Variants in THADA observed in about 807,000 individuals in gnomAD.
THADA encodes tRNA (32-2'-O)-methyltransferase regulator THADA.
THADA carries 213 observed loss-of-function variants against 219.8 expected under a neutral mutation model. The observed-to-expected ratio is 0.97, with a 90% CI of 0.87 to 1.09. THADA has a LOEUF of 1.09. Ranked by LOEUF, THADA falls within the 50% of genes least tolerant of loss-of-function variation. The pLI is 0.00. For missense variants in THADA, 2,956 were observed against 2,311.3 expected (o/e 1.28, Z -5.72); for synonymous variants, 1,018 against 828.9 (o/e 1.23, Z -3.92).
At chr2:43,417,648 G>A (rs888861909) in intron 28 of THADA, among the ~76,000 whole-genome samples, 1 of 152,160 alleles carries the variant, frequency 6.6e-6, no homozygotes, top group African/African-American at 2.4e-5. Flanking sequence ...GTTAATTTTG[G>A]CATGCTGAGA....
chr2:43,270,893 T>C (rs998310981), intron 36 of THADA, among the ~76,000 whole-genome samples: 1 of 151,814 alleles, frequency 6.6e-6, no homozygotes, highest in Non-Finnish European at 1.5e-5. Context: ...ATGGAGGAAA[T>C]AATAAAGTAT....
At chr2:43,427,177 G>C (rs7588221) in intron 28 of THADA, among the ~76,000 whole-genome samples, 57,973 of 151,948 alleles carry the variant, frequency 0.38, 11,749 homozygotes, top group African/African-American at 0.48. Flanking sequence ...CATTGCACCG[G>C]CTCGCAGACT....
chr2:43,341,536 C>T (rs748904166), intron 30 of THADA, among the ~76,000 whole-genome samples: 7 of 152,260 alleles, frequency 4.6e-5, no homozygotes, highest in South Asian at 2.1e-4. Context: ...GCTGGCCTGC[C>T]GCTCCATCTC....
At chr2:43,454,461 G>A (rs1267417997) in intron 26 of THADA, among the ~76,000 whole-genome samples, 1 of 151,990 alleles carries the variant, frequency 6.6e-6, no homozygotes, top group Non-Finnish European at 1.5e-5. Flanking sequence ...AATCAGCCAG[G>A]TGTGTTGGTG....
intron 26 of THADA, among the ~76,000 whole-genome samples, chr2:43,473,456 G>A (rs1431912490): frequency 2.6e-5 from 4 of 151,898 alleles, no homozygotes; most frequent in African/African-American, 7.3e-5. Context: ...GGATACCCCC[G>A]AAGGACCCGC....
chr2:43,572,450 T>G (rs1423964895), intron 12 of THADA, among the ~76,000 whole-genome samples: 1 of 152,190 alleles, frequency 6.6e-6, no homozygotes, highest in African/African-American at 2.4e-5. Flanking sequence ...CTCCAAGGCT[T>G]CCTCTTTTCT....
chr2:43,545,031 T>C (rs1695837606), intron 20 of THADA, among the ~76,000 whole-genome samples: 1 of 152,244 alleles, frequency 6.6e-6, no homozygotes, highest in Non-Finnish European at 1.5e-5. Context: ...ATAGCTCTTA[T>C]TATTTTGAGA....
At chr2:43,567,861 A>G (rs1335776908) in intron 14 of THADA, among the ~76,000 whole-genome samples, 1 of 152,214 alleles carries the variant, frequency 6.6e-6, no homozygotes, top group Non-Finnish European at 1.5e-5. Flanking sequence ...CCGTTGGCCT[A>G]TCACTGAAAG....
chr2:43,471,597 G>A (rs536493409), intron 26 of THADA, among the ~76,000 whole-genome samples: 1 of 152,236 alleles, frequency 6.6e-6, no homozygotes, highest in South Asian at 2.1e-4. Context: ...GAGAAGTAGG[G>A]AAACCTCTTG....
chr2:43,462,720 G>A (rs1683777754), intron 26 of THADA, among the ~76,000 whole-genome samples: 1 of 152,066 alleles, frequency 6.6e-6, no homozygotes, highest in Admixed American at 6.6e-5. Context: ...CATTTGCGGG[G>A]ATACAAAGAT....
chr2:43,286,871 A>G, intron 35 of THADA, 37 bp downstream of exon 35: 1 of 1,583,518 alleles, frequency 6.3e-7, no homozygotes, highest in Non-Finnish European at 8.6e-7. Context: ...ATTTTAAGTG[A>G]GTTTGGTACA....
At chr2:43,438,887 T>C (rs1187609694) in intron 26 of THADA, among the ~76,000 whole-genome samples, 3 of 152,198 alleles carry the variant, frequency 2.0e-5, no homozygotes, top group Admixed American at 1.3e-4. Context: ...ATTATAACAA[T>C]ATATTGTAAT....
intron 24 of THADA, among the ~76,000 whole-genome samples, chr2:43,501,891 C>A (rs1344917634): frequency 2.6e-5 from 4 of 152,120 alleles, no homozygotes; most frequent in Non-Finnish European, 5.9e-5. Flanking sequence ...TTGCAGTGAG[C>A]CGAGATCACA....
intron 31 of THADA, among the ~76,000 whole-genome samples, chr2:43,299,304 A>C (rs1183976047): frequency 1.3e-5 from 2 of 152,310 alleles, no homozygotes; most frequent in Middle Eastern, 3.4e-3. Context: ...AGAAAGAAAA[A>C]GATCTGCTTC....
intron 30 of THADA, among the ~76,000 whole-genome samples, chr2:43,338,154 C>CTTT (rs35928615): frequency 2.6e-4 from 33 of 126,346 alleles, no homozygotes; most frequent in South Asian, 5.3e-4. Flanking sequence ...ATCACCAGAA[C>CTTT]TTTTTTTTTT....
chr2:43,315,482 AGACAG>A (rs1677972047), intron 31 of THADA, among the ~76,000 whole-genome samples: 2 of 151,248 alleles, frequency 1.3e-5, no homozygotes, highest in Non-Finnish European at 2.9e-5. Flanking sequence ...TTTTTTTTAG[AGACAG>A]GATCTTGCTC....
chr2:43,502,599 A>AAAAAAAAG (rs1558866909), intron 24 of THADA, among the ~76,000 whole-genome samples: 3 of 146,378 alleles, frequency 2.0e-5, no homozygotes, highest in African/African-American at 7.8e-5. Context: ...AAAAAAAAAA[A>AAAAAAAAG]AAAGAAAGAA....
At chr2:43,427,732 G>A (rs10203102) in intron 28 of THADA, among the ~76,000 whole-genome samples, 54,326 of 149,064 alleles carry the variant, frequency 0.36, 10,563 homozygotes, top group African/African-American at 0.47. Context: ...TGAGGTGGGC[G>A]GATCACAAGG....
chr2:43,545,932 C>T (rs1695971733), intron 20 of THADA, among the ~76,000 whole-genome samples: 1 of 151,770 alleles, frequency 6.6e-6, no homozygotes, highest in African/African-American at 2.4e-5. Flanking sequence ...AATGTGTTTG[C>T]TCTTGCTTTT....
Sources: allele counts gnomAD v4.1 joint callset (sites outside exome capture counted in the v4.1 genomes callset), GRCh38; gene constraint gnomAD v4.1.1; transcripts MANE v1.5; gene names NCBI Gene and HGNC (gene_info 2026-07-23, HGNC 2026-07-21).